The following OR9I1 variants were observed in gnomAD, a reference collection of about 807,000 sequenced individuals.
OR9I1 encodes olfactory receptor family 9 subfamily I member 1, also known as olfactory receptor 9I1.
A neutral mutation model predicts 11.2 loss-of-function variants in OR9I1; 7 were observed. That is an observed-to-expected ratio of 0.62 (90% CI 0.36 to 1.17). The LOEUF is 1.17. Ranked by LOEUF, OR9I1 falls within the 50% of genes most tolerant of loss-of-function variation. OR9I1 has a pLI of 0.02. For synonymous variants in OR9I1, 165 were observed against 153.4 expected, an observed-to-expected ratio of 1.08 and a Z score of -0.56; for missense variants, 428 against 377.2, an observed-to-expected ratio of 1.13 and a Z score of -1.12.
chr11:58,119,595 C>A (rs1854005911), intron 2 of OR9I1, 129 bp from the exon 3 acceptor site: 4 of 590,638 alleles, frequency 6.8e-6, no homozygotes, highest in African/African-American at 5.6e-5. Flanking sequence ...CTGAAACTGG[C>A]TGATTTTCCT....
intron 2 of OR9I1, among the ~76,000 whole-genome samples, chr11:58,120,475 G>A (rs1053108346): frequency 1.3e-5 from 2 of 151,618 alleles, no homozygotes; most frequent in African/African-American, 4.8e-5. Context: ...TATTTTCATA[G>A]GTTTTTGGGG....
At position 58,117,222 on chromosome 11, in the gene OR9I1, C is replaced by G. The variant is rs969120815; in HGVS notation, c.*1278G>C. 1.3e-5 allele frequency: 2 copies of G among 152,072 alleles called. No individual in the cohort carries two copies. Among genetic ancestry groups the G allele is most frequent in the Non-Finnish European group, 2.9e-5 (2 of 68,010 alleles). The allele number at this position is 152,072 out of a possible 1,614,324, so 9.4% of individuals were successfully genotyped here. On this transcript the variant is annotated 3_prime_UTR_variant, in exon 3 of 3. Coordinates refer to ENST00000641439, the MANE Select transcript of OR9I1 (RefSeq NM_001005211.2). Reference sequence around the variant, plus strand: ...TATTCATCATTTTATTTAATTTTTACAATATCCTCTTGAATTGGGAATTGT... The same window carrying G: ...TATTCATCATTTTATTTAATTTTTAGAATATCCTCTTGAATTGGGAATTGT...
chr11:58,120,340 A>G (rs183307987), intron 2 of OR9I1, among the ~76,000 whole-genome samples: 3 of 152,330 alleles, frequency 2.0e-5, no homozygotes, highest in Non-Finnish European at 4.4e-5. Context: ...TCATACATTC[A>G]TAAAATAACA....
Position 58,118,459 on chromosome 11 carries a change from G to T in OR9I1, c.*41C>A. The T allele has an allele frequency of 7.6e-7, 1 of 1,313,800 alleles. No homozygotes were observed. Among genetic ancestry groups the T allele is most frequent in the Non-Finnish European group, 1.1e-6 (1 of 943,726 alleles). 81.4% of individuals were successfully genotyped at this position (1,313,800 alleles called of 1,614,324 possible). A position where few individuals can be genotyped will look rare whatever the true frequency, so the allele number is the denominator to read the frequency against. ...GTGCCTATTAGGATATATTCATATG[G>T]GAAGAAAGTGGACTAAAACAAGAAT... On this transcript the variant is annotated 3_prime_UTR_variant, in exon 3 of 3. Transcript: ENST00000641439.
chr11:58,118,669 T>C lies in OR9I1; in HGVS notation c.776A>G (p.Tyr259Cys), dbSNP rs777059713. 3 of 1,613,920 alleles carry C rather than the reference T, an allele frequency of 1.9e-6. No homozygotes were observed. Among genetic ancestry groups the C allele is most frequent in the Non-Finnish European group, 2.5e-6 (3 of 1,179,974 alleles). The change falls in exon 3 of 3, where the codon TAT (tyrosine) becomes TGT (cysteine). Residue 259 changes from tyrosine (Y) to cysteine (C), a missense_variant. Coordinates refer to ENST00000641439, the MANE Select transcript of OR9I1 (RefSeq NM_001005211.2). ...AGATTTGCCTGAGCCACTTTGCAGA[T>C]ACATGAAGATAAGGGCTCCAAAGAA... ...ALFFGALIFM[Y>C]LQSGSGKSLE... is the part of the protein sequence containing the mutation.
chr11:58,120,677 G>C (rs894200137), intron 2 of OR9I1, among the ~76,000 whole-genome samples: 1 of 151,352 alleles, frequency 6.6e-6, no homozygotes, highest in Admixed American at 6.6e-5. Context: ...TTTTGTTGTT[G>C]CTATTATCAT....
In OR9I1 at chr11:58,118,372, G is replaced by A. The variant is rs1314090740; in HGVS notation, c.*128C>T. Reference sequence around the variant, plus strand: ...TCACCACAATTGTAGTTTTTCCTGTGTGCCTGGTGGTACCTATCTTCTGTC... The same window carrying A: ...TCACCACAATTGTAGTTTTTCCTGTATGCCTGGTGGTACCTATCTTCTGTC... On this transcript the variant is annotated 3_prime_UTR_variant, in exon 3 of 3. Transcript: ENST00000641439. 6.1e-6 allele frequency: 4 copies of A among 650,694 alleles called. No homozygotes were observed. The East Asian group carries it at 1.0e-4, about 17-fold the overall frequency. The allele number at this position is 650,694 out of a possible 1,614,324, so 40.3% of individuals were successfully genotyped here.
intron 1 of OR9I1, among the ~76,000 whole-genome samples, chr11:58,125,063 C>T (rs1221390557): frequency 6.6e-6 from 1 of 152,146 alleles, no homozygotes; most frequent in Non-Finnish European, 1.5e-5. Context: ...GTACATATGA[C>T]TAATTCTACT....
chr11:58,121,685 A>C (rs1854034141), intron 2 of OR9I1, among the ~76,000 whole-genome samples: 1 of 152,210 alleles, frequency 6.6e-6, no homozygotes, highest in South Asian at 2.1e-4. Flanking sequence ...TGTTTGATGA[A>C]GCCATGAATA....
rs375164622 is a variant in OR9I1, at chr11:58,118,750, C to T, written c.695G>A (p.Gly232Asp). 3.7e-6 allele frequency: 6 copies of T among 1,614,042 alleles called. No individual in the cohort carries two copies. The highest frequency in any genetic ancestry group is 5.1e-6 in the Non-Finnish European group (6 of 1,179,986). Residue 232 changes from glycine (G) to aspartate (D), a missense_variant, in exon 3 of 3, where the codon GGT (glycine) becomes GAT (aspartate). Transcript: ENST00000641439. ...TGTGGAGAAAGTCTTGGCCCTGCCA[C>T]CTGAAGACTTCACTTTCAAAATGGT... ...IKTILKVKSS[G>D]GRAKTFSTCA...
intron 2 of OR9I1, among the ~76,000 whole-genome samples, chr11:58,121,307 G>A (rs1854030190): frequency 6.6e-6 from 1 of 152,174 alleles, no homozygotes. Flanking sequence ...ATAATACCAT[G>A]TTCCAAGTCC....
chr11:58,123,863 T>C (rs536520270), intron 2 of OR9I1, among the ~76,000 whole-genome samples: 58 of 152,334 alleles, frequency 3.8e-4, no homozygotes, highest in Admixed American at 9.2e-4. Context: ...GTTGGAGTTC[T>C]TTGTGGTCCA....
Position 58,119,234 on chromosome 11 carries a change from C to T in OR9I1, c.211G>A (p.Ala71Thr), listed in dbSNP as rs1448326928. Residue 71 changes from alanine (A) to threonine (T), a missense_variant, in exon 3 of 3, where the codon GCC (alanine) becomes ACC (threonine). Coordinates refer to ENST00000641439, the MANE Select transcript of OR9I1 (RefSeq NM_001005211.2). ...FFLSHLSLLD[A>T]CYTSVITPQI... Reference sequence around the variant, plus strand: ...GGGGTGATGACTGAGGTGTAACAGGCATCCAGCAGGGAGAGGTGGCTCAGG... The same window carrying T: ...GGGGTGATGACTGAGGTGTAACAGGTATCCAGCAGGGAGAGGTGGCTCAGG... 1 of 1,613,912 alleles carries T rather than the reference C, an allele frequency of 6.2e-7. No individual in the cohort carries two copies. The highest frequency in any genetic ancestry group is 1.7e-5 in the Admixed American group (1 of 60,018).
chr11:58,119,486 A>G lies in OR9I1; in HGVS notation c.-22-20T>C, dbSNP rs746536966. 128 of 1,268,830 alleles carry G rather than the reference A, an allele frequency of 1.0e-4. No homozygotes were observed. Among genetic ancestry groups the G allele is most frequent in the Non-Finnish European group, 1.2e-4 (106 of 905,648 alleles). The allele number at this position is 1,268,830 out of a possible 1,614,324, so 78.6% of individuals were successfully genotyped here. On this transcript the variant is annotated intron_variant, in intron 2 of 2. Coordinates refer to ENST00000641439, the MANE Select transcript of OR9I1 (RefSeq NM_001005211.2). The stretch of plus-strand genomic sequence containing the variant: ...GTTGGTCTGAGGATGATAATGAAAT[A>G]AAAAGAATCTCAGAATTGAAGGACA...
rs1334691610 is a variant in OR9I1, at chr11:58,118,485, T to G, written c.*15A>C. ...GAAGAAAGTGGACTAAAACAAGAAT[T>G]CCTCTTACTTAGATCTACATGCTCA... is the stretch of plus-strand genomic sequence containing the variant. On this transcript the variant is annotated 3_prime_UTR_variant, in exon 3 of 3. Transcript: ENST00000641439. 1 of 1,525,278 alleles carries G rather than the reference T, an allele frequency of 6.6e-7. No individual in the cohort carries two copies. 94.5% of individuals were successfully genotyped at this position (1,525,278 alleles called of 1,614,324 possible). A position where few individuals can be genotyped will look rare whatever the true frequency, so the allele number is the denominator to read the frequency against.
At chr11:58,123,088 A>T (rs902795882) in intron 2 of OR9I1, among the ~76,000 whole-genome samples, 2 of 152,114 alleles carry the variant, frequency 1.3e-5, no homozygotes, top group Non-Finnish European at 2.9e-5. Context: ...CCCTTTAAGC[A>T]GATATTATGA....
intron 2 of OR9I1, among the ~76,000 whole-genome samples, chr11:58,122,251 A>T (rs1429354057): frequency 6.6e-6 from 1 of 152,144 alleles, no homozygotes; most frequent in Non-Finnish European, 1.5e-5. Flanking sequence ...AGAGACATTG[A>T]CAGATCACGT....
At chr11:58,122,573 C>T (rs370499514) in intron 2 of OR9I1, among the ~76,000 whole-genome samples, 1 of 152,150 alleles carries the variant, frequency 6.6e-6, no homozygotes, top group South Asian at 2.1e-4. Context: ...GCAATGCAGG[C>T]ACTATTTCAA....
rs775891683 is a variant in OR9I1, at chr11:58,118,585, G to C, written c.860C>G (p.Pro287Arg). 1.2e-5 allele frequency: 19 copies of C among 1,614,006 alleles called. No homozygotes were observed. Among genetic ancestry groups the C allele is most frequent in the Middle Eastern group, 1.7e-4 (1 of 6,054 alleles). The change falls in exon 3 of 3, where the codon CCT becomes CGT. Residue 287 changes from proline to arginine, a missense_variant. Transcript: ENST00000641439. ...FYTVVIPMLN[P>R]LIYSLRNKDV... Reference sequence around the variant, plus strand: ...TTTGTTTCTTAAGCTGTAGATCAGAGGGTTCAGCATGGGGATGACCACTGT... The same window carrying C: ...TTTGTTTCTTAAGCTGTAGATCAGACGGTTCAGCATGGGGATGACCACTGT...
Sources: allele counts gnomAD v4.1 joint callset (sites outside exome capture counted in the v4.1 genomes callset), GRCh38; gene constraint gnomAD v4.1.1; transcripts MANE v1.5; gene names NCBI Gene and HGNC (gene_info 2026-07-23, HGNC 2026-07-21).